FSIP1: variants seen among roughly 807,000 people sequenced by gnomAD.
FSIP1 encodes the protein fibrous sheath interacting protein 1, also known as fibrous sheath-interacting protein 1.
In FSIP1, 65 loss-of-function variants were observed where a neutral mutation model predicts 60.9. The observed-to-expected ratio is 1.07, with a 90% CI of 0.87 to 1.31. FSIP1 has a LOEUF of 1.31. Ranked by LOEUF, FSIP1 falls within the 40% of genes most tolerant of loss-of-function variation. The probability of loss-of-function intolerance (pLI) is 0.00; values close to 1 mark genes in which losing one functional copy is unlikely to be tolerated. For synonymous variants in FSIP1, 209 were observed against 221.2 expected, an observed-to-expected ratio of 0.94 and a Z score of 0.49; for missense variants, 675 against 665.5, an observed-to-expected ratio of 1.01 and a Z score of -0.16.
chr15:39,643,340 G>C (rs1892456474), intron 10 of FSIP1, among the ~76,000 whole-genome samples: 1 of 152,184 alleles, frequency 6.6e-6, no homozygotes, highest in African/African-American at 2.4e-5. Flanking sequence ...GAAATTGTTA[G>C]AGAAAATGAA....
chr15:39,600,987 A>C, intron 11 of FSIP1, 61 bp from the exon 12 acceptor site: 1 of 1,286,892 alleles, frequency 7.8e-7, no homozygotes, highest in Non-Finnish European at 1.1e-6. Context: ...ATAATTAAGA[A>C]AAACAACTCA....
chr15:39,611,086 G>A (rs1891012096), intron 11 of FSIP1, among the ~76,000 whole-genome samples: 1 of 152,064 alleles, frequency 6.6e-6, no homozygotes, highest in South Asian at 2.1e-4. Context: ...AATACTGTAA[G>A]GATGATGTGT....
In FSIP1 at chr15:39,737,985, T is replaced by C. The variant is rs1007626730; in HGVS notation, c.891+106A>G. The stretch of plus-strand genomic sequence containing the variant: ...GTTTTTTTAAAATCAAAGAATAATG[T>C]CTCAGAATCCGAAAAATTATTGTAA... On this transcript the variant is annotated intron_variant, in intron 8 of 11. Coordinates refer to ENST00000350221, the MANE Select transcript of FSIP1 (RefSeq NM_152597.5). 8 of 655,274 alleles carry C rather than the reference T, an allele frequency of 1.2e-5. No homozygotes were observed. In the African/African-American group the frequency reaches 1.3e-4, roughly 11 times the overall value. 40.6% of individuals were successfully genotyped at this position (655,274 alleles called of 1,614,324 possible).
At chr15:39,646,547 A>AAAAAG (rs1892620596) in intron 10 of FSIP1, among the ~76,000 whole-genome samples, 2 of 148,436 alleles carry the variant, frequency 1.3e-5, no homozygotes, top group African/African-American at 5.0e-5. Flanking sequence ...AAAAAAAAAA[A>AAAAAG]GGCTGCGTTT....
intron 5 of FSIP1, among the ~76,000 whole-genome samples, chr15:39,744,207 G>T (rs1045045769): frequency 6.6e-6 from 1 of 152,026 alleles, no homozygotes; most frequent in Admixed American, 6.5e-5. Context: ...CTTTTCCTAT[G>T]ACTTTAAATC....
intron 5 of FSIP1, among the ~76,000 whole-genome samples, chr15:39,759,575 T>C (rs1013573674): frequency 2.6e-5 from 4 of 152,192 alleles, no homozygotes; most frequent in Non-Finnish European, 5.9e-5. Context: ...TATTTGAAAG[T>C]ATACCCATTT....
chr15:39,780,388 G>A (rs1156299246), intron 1 of FSIP1, among the ~76,000 whole-genome samples: 2 of 152,188 alleles, frequency 1.3e-5, no homozygotes, highest in African/African-American at 4.8e-5. Flanking sequence ...AGCCGGGAGT[G>A]GTGATGGGCG....
chr15:39,708,897 T>G (rs922637775), intron 10 of FSIP1, among the ~76,000 whole-genome samples: 2 of 152,208 alleles, frequency 1.3e-5, no homozygotes, highest in African/African-American at 4.8e-5. Flanking sequence ...ATATGCCTAC[T>G]GAGTTTCATA....
intron 5 of FSIP1, among the ~76,000 whole-genome samples, chr15:39,748,396 A>C (rs1031888988): frequency 6.6e-6 from 1 of 152,188 alleles, no homozygotes; most frequent in Non-Finnish European, 1.5e-5. Context: ...AGTACTTATA[A>C]AAGTTAATCA....
chr15:39,606,922 A>C (rs1890847398), intron 11 of FSIP1, among the ~76,000 whole-genome samples: 1 of 152,224 alleles, frequency 6.6e-6, no homozygotes, highest in African/African-American at 2.4e-5. Flanking sequence ...ATTTGATTAA[A>C]TACTAGACTA....
chr15:39,758,457 G>A lies in FSIP1; in HGVS notation c.559+5364C>T, dbSNP rs533831101. Among the ~76,000 whole-genome samples, 15 of 151,974 alleles carry A rather than the reference G, an allele frequency of 9.9e-5. No homozygotes were observed. The East Asian group carries it at 2.7e-3, about 27-fold the overall frequency. ...TCCTGGTTTCCAAACTATAGACATT[G>A]AGATACTATAATATCCAGAATCTCA... On this transcript the variant is annotated intron_variant, in intron 5 of 11. Coordinates refer to ENST00000350221, the MANE Select transcript of FSIP1 (RefSeq NM_152597.5).
chr15:39,747,285 AG>A (rs1169003870), intron 5 of FSIP1: 1 of 152,220 alleles, frequency 6.6e-6, no homozygotes, highest in African/African-American at 2.4e-5. Context: ...CAAGGAATTT[AG>A]AATTGTTTTA....
At chr15:39,718,761 T>G (rs1480923591) in intron 9 of FSIP1, among the ~76,000 whole-genome samples, 1 of 152,172 alleles carries the variant, frequency 6.6e-6, no homozygotes, top group Non-Finnish European at 1.5e-5. Flanking sequence ...CCTCTCAAAG[T>G]GCTGGGATTA....
At chr15:39,770,762 CTAAT>C (rs1169198881) in intron 2 of FSIP1, 152 bp from the exon 3 acceptor site, 1 of 520,312 alleles carries the variant, frequency 1.9e-6, no homozygotes, top group Non-Finnish European at 3.3e-6. Flanking sequence ...ATATAACACT[CTAAT>C]TAAATGTAAT....
chr15:39,691,874 G>T (rs889674813), intron 10 of FSIP1, among the ~76,000 whole-genome samples: 1 of 151,974 alleles, frequency 6.6e-6, no homozygotes, highest in Non-Finnish European at 1.5e-5. Flanking sequence ...CTGTGAGGGG[G>T]TAGATAGATA....
chr15:39,653,635 T>C (rs1370256057), intron 10 of FSIP1, among the ~76,000 whole-genome samples: 7 of 152,316 alleles, frequency 4.6e-5, no homozygotes, highest in African/African-American at 1.7e-4. Flanking sequence ...TGGGAGATAA[T>C]TGAATCATGG....
chr15:39,713,343 G>T, intron 10 of FSIP1, 101 bp downstream of exon 10: 2 of 1,050,600 alleles, frequency 1.9e-6, no homozygotes, highest in East Asian at 2.7e-5. Context: ...GAGGTGGGCA[G>T]GTCACTTGAG....
chr15:39,664,834 T>G (rs1454547221), intron 10 of FSIP1, among the ~76,000 whole-genome samples: 5 of 152,176 alleles, frequency 3.3e-5, no homozygotes, highest in African/African-American at 9.7e-5. Context: ...AGACCCATCC[T>G]AGGGAAGAAA....
rs537428504 is a variant in FSIP1 at position 39,695,259 on chromosome 15, G to A, written c.1188+18185C>T. 5.3e-5 allele frequency among the ~76,000 whole-genome samples: 8 copies of A among 151,950 alleles called. No homozygotes were observed. The South Asian group carries it at 1.7e-3, about 32-fold the overall frequency. On this transcript the variant is annotated intron_variant, in intron 10 of 11. Transcript: ENST00000350221. Reference sequence around the variant, plus strand: ...CCTTTGGTGTTTAATTGCCTTTGGTGTTCTCTGTCAGCCTCCCCTCCATGG... The same window carrying A: ...CCTTTGGTGTTTAATTGCCTTTGGTATTCTCTGTCAGCCTCCCCTCCATGG...
Sources: gnomAD v4.1 joint callset for allele counts (sites outside exome capture counted in the v4.1 genomes callset) on GRCh38, gnomAD v4.1.1 for gene constraint, MANE v1.5 for transcripts, NCBI Gene and HGNC (gene_info 2026-07-23, HGNC 2026-07-21) for gene names.